FAM177B: variants seen among roughly 807,000 people sequenced by gnomAD.
FAM177B encodes protein FAM177B.
A neutral mutation model predicts 16.1 loss-of-function variants in FAM177B; 16 were observed. The ratio of observed to expected loss-of-function variants is 0.99; its 90% CI spans 0.67 to 1.51. The LOEUF is 1.51. Ranked by LOEUF, FAM177B falls within the 40% of genes most tolerant of loss-of-function variation. The pLI, the probability that FAM177B is intolerant of heterozygous loss-of-function variation, is 0.00. For synonymous variants in FAM177B, 56 were observed against 59.9 expected, an observed-to-expected ratio of 0.93 and a Z score of 0.30; for missense variants, 178 against 183.7, an observed-to-expected ratio of 0.97 and a Z score of 0.18.
chr1:222,745,767 C>CA (rs1334487468), intron 2 of FAM177B, among the ~76,000 whole-genome samples: 15 of 152,084 alleles, frequency 9.9e-5, no homozygotes, highest in Admixed American at 1.3e-4. Context: ...ACTAAAAATA[C>CA]AAAAAATTAT....
At chr1:222,739,864 CTTG>C (rs901308399) in intron 2 of FAM177B, 3 of 152,164 alleles carry the variant, frequency 2.0e-5, no homozygotes, top group Non-Finnish European at 2.9e-5. Flanking sequence ...TTTTATTTTG[CTTG>C]TTGTTGCAGA....
Position 222,747,004 on chromosome 1 carries a change from CCTT to C in FAM177B, c.175-10_175-8del, listed in dbSNP as rs1558249794. ...TATTAACTACTCTATCTCAATTTCT[CCTT>C]TTTTCAGTCTAAACTTTCCTGGGGG... is the stretch of plus-strand genomic sequence containing the variant. On this transcript the variant is annotated splice_region_variant and splice_polypyrimidine_tract_variant and intron_variant, in intron 3 of 5. Coordinates refer to ENST00000445590, the MANE Select transcript of FAM177B (RefSeq NM_001394345.1). The C allele has an allele frequency of 3.1e-6, 5 of 1,589,258 alleles. No homozygotes were observed. The South Asian group carries it at 5.5e-5, about 18-fold the overall frequency.
chr1:222,747,140 C>G (rs1210378811), intron 4 of FAM177B, 59 bp downstream of exon 4: 1 of 1,151,344 alleles, frequency 8.7e-7, no homozygotes. Flanking sequence ...TCGATAGGCC[C>G]TCAGAGTATG....
chr1:222,739,468 T>C (rs745774875), intron 2 of FAM177B, among the ~76,000 whole-genome samples: 1 of 152,224 alleles, frequency 6.6e-6, no homozygotes, highest in Non-Finnish European at 1.5e-5. Context: ...CTTCAAAATA[T>C]ACTAGTGCCT....
chr1:222,746,692 G>A lies in FAM177B; in HGVS notation c.147G>A (p.Glu49=). ...AGGAGGAGGAAGAGGAAAAGGAGGA[G>A]CAGAGCACAAATTCAACACTTGACC... ...TEEEEEEEKE[E]QSTNSTLDPS... is the part of the protein sequence containing the mutation. The change falls in exon 3 of 6, where the codon GAG becomes GAA. Residue 49 remains glutamate (E), a synonymous_variant. Coordinates refer to ENST00000445590, the MANE Select transcript of FAM177B (RefSeq NM_001394345.1). The A allele has an allele frequency of 1.2e-6, 2 of 1,613,058 alleles. No homozygotes were observed. The highest frequency in any genetic ancestry group is 1.1e-5 in the South Asian group (1 of 90,938).
intron 4 of FAM177B, chr1:222,747,347 C>A (rs1004306242): frequency 2.6e-6 from 1 of 388,018 alleles, no homozygotes; most frequent in Admixed American, 4.1e-5. Flanking sequence ...CTTAACCATA[C>A]AAAACTGCTA....
At chr1:222,748,991 A>T (rs1258000568) in intron 4 of FAM177B, 7 of 471,560 alleles carry the variant, frequency 1.5e-5, no homozygotes, top group Non-Finnish European at 3.1e-5. Context: ...TTGCTACTGA[A>T]GGCAGAAAAG....
At position 222,741,211 on chromosome 1, in the gene FAM177B, A is replaced by T. The variant is rs78790606; in HGVS notation, c.-16+3190A>T. Among the ~76,000 whole-genome samples, 259 of 151,814 alleles carry T rather than the reference A, an allele frequency of 1.7e-3. 1 individual carries two copies. The highest frequency in any genetic ancestry group is 5.9e-3 in the African/African-American group (245 of 41,400). On this transcript the variant is annotated intron_variant, in intron 2 of 5. Coordinates refer to ENST00000445590, the MANE Select transcript of FAM177B (RefSeq NM_001394345.1). ...GTAGCTGCGACTACAGGCACATGCC[A>T]CCAAGTCCGGCTAATTTTTTTGTAT...
chr1:222,749,244 A>G (rs1658940005), intron 4 of FAM177B: 3 of 504,844 alleles, frequency 5.9e-6, no homozygotes, highest in South Asian at 2.4e-5. Context: ...AATAGTTTAT[A>G]TATAATCCCA....
intron 4 of FAM177B, 162 bp from the exon 5 acceptor site, chr1:222,749,303 G>A: frequency 1.8e-6 from 1 of 555,340 alleles, no homozygotes; most frequent in East Asian, 3.0e-5. Flanking sequence ...TAGAATTTTT[G>A]AGAGGCCAAG....
intron 2 of FAM177B, among the ~76,000 whole-genome samples, chr1:222,741,823 CT>C (rs887744331): frequency 7.3e-6 from 1 of 137,554 alleles, no homozygotes; most frequent in African/African-American, 2.7e-5. Flanking sequence ...TTCTTTCTTT[CT>C]TTTTTCTTTC....
At chr1:222,747,296 G>A (rs975867010) in intron 4 of FAM177B, 11 of 504,654 alleles carry the variant, frequency 2.2e-5, no homozygotes, top group African/African-American at 5.9e-5. Flanking sequence ...TTCTTATCTC[G>A]GCCCAAATTT....
chr1:222,746,431 T>C, intron 2 of FAM177B, 100 bp from the exon 3 acceptor site: 2 of 626,156 alleles, frequency 3.2e-6, no homozygotes, highest in Non-Finnish European at 5.5e-6. Context: ...ACAGGTGTGA[T>C]TACCTCTGAG....
chr1:222,750,571 A>T lies in FAM177B; in HGVS notation c.*513A>T, dbSNP rs1444822846. 1 of 978,586 alleles carries T rather than the reference A, an allele frequency of 1.0e-6. No individual in the cohort carries two copies. The highest frequency in any genetic ancestry group is 1.8e-5 in the African/African-American group (1 of 57,116). The allele number at this position is 978,586 out of a possible 1,614,324, so 60.6% of individuals were successfully genotyped here. ...TGTTTTACAATAAGTAAACATTGCTAATAACTGTGTTACAAGATCATTATC... is the reference window on the plus strand; with the variant it reads ...TGTTTTACAATAAGTAAACATTGCTTATAACTGTGTTACAAGATCATTATC... On this transcript the variant is annotated 3_prime_UTR_variant, in exon 6 of 6. Coordinates refer to ENST00000445590, the MANE Select transcript of FAM177B (RefSeq NM_001394345.1).
Position 222,740,995 on chromosome 1 carries a change from G to A in FAM177B, c.-16+2974G>A, listed in dbSNP as rs181913599. Among the ~76,000 whole-genome samples the A allele has an allele frequency of 9.8e-4, 149 of 151,670 alleles. 2 individuals are homozygous for A. The highest frequency in any genetic ancestry group is 8.8e-5 in the Non-Finnish European group (6 of 67,910). ...ATTACAGGTGTGAGCCACCGCGCCC[G>A]GGTTTGTTATCCTGTTTACTAATGT... On this transcript the variant is annotated intron_variant, in intron 2 of 5. Coordinates refer to ENST00000445590, the MANE Select transcript of FAM177B (RefSeq NM_001394345.1).
chr1:222,741,704 TTTCC>T (rs113669359), intron 2 of FAM177B, among the ~76,000 whole-genome samples: 112 of 151,072 alleles, frequency 7.4e-4, no homozygotes, highest in African/African-American at 1.5e-3. Context: ...AACTCTCTCT[TTTCC>T]TTCCTTCCTT....
At chr1:222,744,241 C>T (rs538614198) in intron 2 of FAM177B, among the ~76,000 whole-genome samples, 1 of 152,024 alleles carries the variant, frequency 6.6e-6, no homozygotes, top group Non-Finnish European at 1.5e-5. Flanking sequence ...GAGGCCGAGG[C>T]GGGTGGATCA....
At chr1:222,743,779 C>T (rs1445274507) in intron 2 of FAM177B, among the ~76,000 whole-genome samples, 1 of 151,990 alleles carries the variant, frequency 6.6e-6, no homozygotes, top group Non-Finnish European at 1.5e-5. Flanking sequence ...ATTTTATTAC[C>T]TTAGTTTTAT....
chr1:222,749,035 G>A (rs1256816794), intron 4 of FAM177B: 2 of 472,110 alleles, frequency 4.2e-6, no homozygotes, highest in African/African-American at 2.0e-5. Context: ...AAGTCTGTCT[G>A]GATGCATGGA....
Sources: gnomAD v4.1 joint callset for allele counts (sites outside exome capture counted in the v4.1 genomes callset) on GRCh38, gnomAD v4.1.1 for gene constraint, MANE v1.5 for transcripts, NCBI Gene and HGNC (gene_info 2026-07-23, HGNC 2026-07-21) for gene names.